FHIP2A: variants seen among roughly 807,000 people sequenced by gnomAD.
The protein encoded by FHIP2A is FHF complex subunit HOOK interacting protein 2A, also known as family with sequence similarity 160 member B1.
A neutral mutation model predicts 93.5 loss-of-function variants in FHIP2A; 46 were observed. That is an observed-to-expected ratio of 0.49 (90% CI 0.39 to 0.63). The LOEUF (loss-of-function observed/expected upper bound fraction) is 0.63, where lower values mean the gene tolerates loss of function less well. Ranked by LOEUF, FHIP2A falls within the 20% of genes least tolerant of loss-of-function variation. The pLI, the probability that FHIP2A is intolerant of heterozygous loss-of-function variation, is 0.00. For missense variants in FHIP2A, 769 were observed against 909.7 expected (o/e 0.85, Z 1.99); for synonymous variants, 332 against 326.5 (o/e 1.02, Z -0.18).
chr10:114,860,796 T>C lies in FHIP2A; in HGVS notation c.1995T>C (p.Ser665=). 6.2e-7 allele frequency: 1 copy of C among 1,609,004 alleles called. No homozygotes were observed. Among genetic ancestry groups the C allele is most frequent in the Non-Finnish European group, 8.5e-7 (1 of 1,175,338 alleles). The change falls in exon 15 of 17, where the codon TCT becomes TCC. Residue 665 remains serine (S), a synonymous_variant. Transcript: ENST00000369248. ...TAACCTCAGTGTTATCTAGACTTTC[T>C]CTCTTCCCTCATCCACACATCCACG... ...LQVTSVLSRL[S]LFPHPHIHEY...
downstream of FHIP2A, among the ~76,000 whole-genome samples, chr10:114,865,562 G>C (rs1183325404): frequency 6.6e-6 from 1 of 152,190 alleles, no homozygotes; most frequent in East Asian, 1.9e-4. Flanking sequence ...GAAGAGGCAA[G>C]GTTTAGACAT....
chr10:114,827,025 T>C (rs2083580734), intron 1 of FHIP2A, among the ~76,000 whole-genome samples: 2 of 152,130 alleles, frequency 1.3e-5, no homozygotes, highest in South Asian at 4.1e-4. Flanking sequence ...GAGTGGAATG[T>C]TGATGATACA....
chr10:114,860,375 A>G (rs767721388), intron 14 of FHIP2A, among the ~76,000 whole-genome samples: 2 of 152,050 alleles, frequency 1.3e-5, no homozygotes, highest in Non-Finnish European at 2.9e-5. Context: ...TGTTTGAGAC[A>G]GAGTTTCGCT....
intron 5 of FHIP2A, among the ~76,000 whole-genome samples, chr10:114,838,155 G>C (rs528169379): frequency 8.5e-5 from 13 of 152,166 alleles, no homozygotes; most frequent in Admixed American, 6.5e-4. Context: ...CTGTTGCTCC[G>C]TGTTGTCGTC....
chr10:114,861,465 G>T lies in FHIP2A; in HGVS notation c.2223G>T (p.Val741=), dbSNP rs1461054926. ...ACCACATCACACTGCTAGAGGGTGT[G>T]ATTGTGTTAGAAGAGTTCTGTAAGG... The part of the protein sequence containing the change: ...IIDHITLLEG[V]IVLEEFCKEL... Residue 741 remains valine, a synonymous_variant, in exon 17 of 17, where the codon GTG becomes GTT. Coordinates refer to ENST00000369248, the MANE Select transcript of FHIP2A (RefSeq NM_020940.4). 1 of 1,614,102 alleles carries T rather than the reference G, an allele frequency of 6.2e-7. No homozygotes were observed. Among genetic ancestry groups the T allele is most frequent in the Admixed American group, 1.7e-5 (1 of 60,016 alleles).
intron 13 of FHIP2A, among the ~76,000 whole-genome samples, chr10:114,850,047 A>G (rs2083725474): frequency 6.6e-6 from 1 of 152,128 alleles, no homozygotes; most frequent in Admixed American, 6.5e-5. Context: ...CTAATTGTTG[A>G]TTATTATGAA....
At chr10:114,896,035 T>C (rs2083999655) in intron 16 of FHIP2A, among the ~76,000 whole-genome samples, 1 of 152,094 alleles carries the variant, frequency 6.6e-6, no homozygotes, top group Non-Finnish European at 1.5e-5. Context: ...TGGGGTGACT[T>C]GTGCCACTGA....
At chr10:114,894,427 C>T (rs1592037274) in intron 16 of FHIP2A, among the ~76,000 whole-genome samples, 2 of 149,532 alleles carry the variant, frequency 1.3e-5, no homozygotes, top group South Asian at 4.2e-4. Context: ...ATTAGCCAGG[C>T]GTGGTAGCAC....
chr10:114,887,038 A>G (rs1028939293), intron 16 of FHIP2A, among the ~76,000 whole-genome samples: 8 of 152,142 alleles, frequency 5.3e-5, no homozygotes, highest in African/African-American at 9.7e-5. Context: ...TGTCTGTCCA[A>G]CTCAAAGGCC....
intron 16 of FHIP2A, among the ~76,000 whole-genome samples, chr10:114,875,062 T>TG (rs2083877614): frequency 6.6e-6 from 1 of 152,194 alleles, no homozygotes; most frequent in Non-Finnish European, 1.5e-5. Flanking sequence ...TTCCGAAGCT[T>TG]GCTTGCATTA....
In FHIP2A at chr10:114,824,423, AAGTT is replaced by A. The variant is rs545776206; in HGVS notation, c.45+2303_45+2306del. 3.6e-3 allele frequency among the ~76,000 whole-genome samples: 554 copies of A among 152,314 alleles called. 2 individuals carry two copies. Among genetic ancestry groups the A allele is most frequent in the African/African-American group, 0.013 (546 of 41,562 alleles). On this transcript the variant is annotated intron_variant, in intron 1 of 16. Transcript: ENST00000369248. ...CTACTTTGCTGAGGTTAGTGAGAAA[AAGTT>A]AGAGTGGCTTGTGTTCACCTAGTCC...
chr10:114,868,290 A>T (rs2083840612), downstream of FHIP2A, among the ~76,000 whole-genome samples: 1 of 151,998 alleles, frequency 6.6e-6, no homozygotes. Context: ...GCCTCCTGTC[A>T]GATCAGCAGC....
At chr10:114,824,521 G>A (rs1450844609) in intron 1 of FHIP2A, among the ~76,000 whole-genome samples, 1 of 152,094 alleles carries the variant, frequency 6.6e-6, no homozygotes, top group Admixed American at 6.5e-5. Flanking sequence ...TTCATTTGTG[G>A]CACCACCCAT....
chr10:114,883,572 A>AT (rs2083927370), intron 16 of FHIP2A, among the ~76,000 whole-genome samples: 1 of 151,972 alleles, frequency 6.6e-6, no homozygotes, highest in Non-Finnish European at 1.5e-5. Flanking sequence ...CAAGAGATTT[A>AT]TTTTTTTGTT....
chr10:114,865,339 A>G (rs1323671702), downstream of FHIP2A, among the ~76,000 whole-genome samples: 1 of 152,158 alleles, frequency 6.6e-6, no homozygotes, highest in Non-Finnish European at 1.5e-5. Flanking sequence ...TCTAACATAT[A>G]TAAAAACTTT....
At position 114,846,079 on chromosome 10, in the gene FHIP2A, T is replaced by G. The variant is rs1283907868; in HGVS notation, c.1195T>G (p.Leu399Val). ...TTTCATTGGTGTTATGGAACCTCAATTAATGCAAACGTGAGTAGCCTGTTT... is the reference window on the plus strand; with the variant it reads ...TTTCATTGGTGTTATGGAACCTCAAGTAATGCAAACGTGAGTAGCCTGTTT... ...RFFIGVMEPQ[L>V]MQTSEMGILT... The change falls in exon 9 of 17, where the codon TTA becomes GTA. Residue 399 changes from leucine (L) to valine (V), a missense_variant. By Grantham distance (32) the Leu-to-Val change is conservative. Coordinates refer to ENST00000369248, the MANE Select transcript of FHIP2A (RefSeq NM_020940.4). 2.5e-6 allele frequency: 4 copies of G among 1,613,974 alleles called. No homozygotes were observed. In the Admixed American group the frequency reaches 6.7e-5, roughly 27 times the overall value.
chr10:114,846,769 A>G, intron 11 of FHIP2A, 41 bp downstream of exon 11: 2 of 1,515,542 alleles, frequency 1.3e-6, no homozygotes, highest in Non-Finnish European at 1.8e-6. Context: ...CATTTCATGT[A>G]GAGATAGAAC....
At position 114,850,170 on chromosome 10, in the gene FHIP2A, T is replaced by C. The variant is rs899791836; in HGVS notation, c.1803+1433T>C. Reference sequence around the variant, plus strand: ...GTGGTAATTCTATATTTAACTTTTTTGAGGAACTGCCAAACTGTTTTTCAC... The same window carrying C: ...GTGGTAATTCTATATTTAACTTTTTCGAGGAACTGCCAAACTGTTTTTCAC... On this transcript the variant is annotated intron_variant, in intron 13 of 16. Transcript: ENST00000369248. Among the ~76,000 whole-genome samples the C allele has an allele frequency of 7.9e-5, 12 of 152,328 alleles. 1 individual carries two copies. Among genetic ancestry groups the C allele is most frequent in the African/African-American group, 2.9e-4 (12 of 41,576 alleles).
intron 1 of FHIP2A, among the ~76,000 whole-genome samples, chr10:114,827,121 A>G (rs985659781): frequency 6.6e-6 from 1 of 152,186 alleles, no homozygotes; most frequent in African/African-American, 2.4e-5. Flanking sequence ...TGATGGGTAT[A>G]TTGGACACAG....
Sources: allele counts gnomAD v4.1 joint callset (sites outside exome capture counted in the v4.1 genomes callset), GRCh38; gene constraint gnomAD v4.1.1; transcripts MANE v1.5; gene names NCBI Gene and HGNC (gene_info 2026-07-23, HGNC 2026-07-21).